The following POLR3D variants were observed in gnomAD, a reference collection of about 807,000 sequenced individuals.
POLR3D encodes DNA-directed RNA polymerase III subunit RPC4.
Under a neutral mutation model 44.5 loss-of-function variants are expected in POLR3D, and 42 were observed. The ratio of observed to expected loss-of-function variants is 0.94; its 90% CI spans 0.74 to 1.22. The LOEUF (loss-of-function observed/expected upper bound fraction) is 1.22, where lower values mean the gene tolerates loss of function less well. POLR3D is among the 50% of genes most tolerant of loss of function. POLR3D has a pLI of 0.00. For synonymous variants in POLR3D, 217 were observed against 198.1 expected, an observed-to-expected ratio of 1.10 and a Z score of -0.80; for missense variants, 507 against 505.2, an observed-to-expected ratio of 1.00 and a Z score of -0.03.
Position 22,252,482 on chromosome 8 carries a change from A to T in POLR3D, c.*1964A>T, listed in dbSNP as rs995665287. The T allele has an allele frequency of 6.6e-6, 1 of 152,222 alleles. No homozygotes were observed. Among genetic ancestry groups the T allele is most frequent in the Non-Finnish European group, 1.5e-5 (1 of 68,046 alleles). 9.4% of individuals were successfully genotyped at this position (152,222 alleles called of 1,614,324 possible). ...CAAGAAAGTTTGAGGAAGAACATGT[A>T]CTGCTTTCACGTTCATTTCGCCCAT... is the stretch of plus-strand genomic sequence containing the variant. On this transcript the variant is annotated 3_prime_UTR_variant, in exon 9 of 9. Coordinates refer to ENST00000306433, the MANE Select transcript of POLR3D (RefSeq NM_001722.3).
Position 22,250,458 on chromosome 8 carries a change from G to A in POLR3D, c.1137G>A (p.Val379=), listed in dbSNP as rs144849715. 2.6e-5 allele frequency: 42 copies of A among 1,614,184 alleles called. No individual in the cohort carries two copies. In the African/African-American group the frequency reaches 4.8e-4, roughly 18 times the overall value. The part of the protein sequence containing the change: ...RTGEMTVLGH[V]KHKLVCSPDF... ...GGGAGATGACAGTCCTGGGACACGT[G>A]AAGCACAAACTTGTATGTTCCCCTG... Residue 379 remains valine (V), a synonymous_variant, in exon 9 of 9, where the codon GTG becomes GTA. Coordinates refer to ENST00000306433, the MANE Select transcript of POLR3D (RefSeq NM_001722.3).
At chr8:22,245,730 G>A (rs994158015) in intron 2 of POLR3D, 116 bp downstream of exon 2, 1 of 634,892 alleles carries the variant, frequency 1.6e-6, no homozygotes, top group African/African-American at 1.9e-5. Flanking sequence ...GGCCTCTCAA[G>A]CCTACCCCTC....
intron 3 of POLR3D, 50 bp downstream of exon 3, chr8:22,247,314 AT>A (rs777779865): frequency 6.9e-7 from 1 of 1,453,280 alleles, no homozygotes; most frequent in Admixed American, 1.8e-5. Flanking sequence ...CTTGCTCTGA[AT>A]TTGGGGCTTT....
Position 22,249,061 on chromosome 8 carries a change from G to GA in POLR3D, c.674dup (p.Asp225GlufsTer2). On this transcript the variant is annotated frameshift_variant, in exon 7 of 9. Transcript: ENST00000306433. LOFTEE classifies it high-confidence loss of function. The stretch of plus-strand genomic sequence containing the variant: ...CCGGGCAGTGAAAGAGGAGCCACGA[G>GA]ATGAGGAGGAAGAGGCCAAGATGAA... The GA allele has an allele frequency of 6.2e-7, 1 of 1,613,926 alleles. No individual in the cohort carries two copies. Among genetic ancestry groups the GA allele is most frequent in the Non-Finnish European group, 8.5e-7 (1 of 1,179,970 alleles).
At position 22,252,396 on chromosome 8, in the gene POLR3D, G is replaced by C. The variant is rs963534273; in HGVS notation, c.*1878G>C. The C allele has an allele frequency of 6.6e-6, 1 of 152,626 alleles. No homozygotes were observed. Among genetic ancestry groups the C allele is most frequent in the Non-Finnish European group, 1.5e-5 (1 of 68,018 alleles). The allele number at this position is 152,626 out of a possible 1,614,324, so 9.5% of individuals were successfully genotyped here. On this transcript the variant is annotated 3_prime_UTR_variant, in exon 9 of 9. Transcript: ENST00000306433. ...AAATACTCTTCTGCTTTTTTTGGAC[G>C]AACTCAATGGCCCGATGTTAGATAT... is the stretch of plus-strand genomic sequence containing the variant.
chr8:22,247,535 G>A (rs932310271), intron 3 of POLR3D, among the ~76,000 whole-genome samples: 1 of 152,166 alleles, frequency 6.6e-6, no homozygotes, highest in East Asian at 1.9e-4. Flanking sequence ...TTTGTTGCCC[G>A]AGTTGAGAGC....
At position 22,248,624 on chromosome 8, in the gene POLR3D, G is replaced by A. The variant is rs1830067740; in HGVS notation, c.630G>A (p.Met210Ile). ...TGGCTGGCCCCAAGGAAGAGGACAT[G>A]GAGGTGGACATACCTGCTGTGAAAG... ...PWLAGPKEED[M>I]EVDIPAVKVK... Residue 210 changes from methionine (M) to isoleucine (I), a missense_variant, in exon 6 of 9, where the codon ATG becomes ATA. Coordinates refer to ENST00000306433, the MANE Select transcript of POLR3D (RefSeq NM_001722.3). 1 of 1,613,898 alleles carries A rather than the reference G, an allele frequency of 6.2e-7. No homozygotes were observed.
intron 3 of POLR3D, among the ~76,000 whole-genome samples, chr8:22,247,651 G>A (rs1830056486): frequency 6.6e-6 from 1 of 152,160 alleles, no homozygotes; most frequent in Non-Finnish European, 1.5e-5. Context: ...TTTTGGACAA[G>A]AAGGTAAAGT....
intron 2 of POLR3D, among the ~76,000 whole-genome samples, chr8:22,246,088 T>C (rs1382000539): frequency 1.3e-5 from 2 of 151,920 alleles, no homozygotes; most frequent in African/African-American, 4.8e-5. Flanking sequence ...CAGAAAGGGG[T>C]GGGGTCAGGA....
chr8:22,249,297 G>A lies in POLR3D; in HGVS notation c.909G>A (p.Gln303=). The A allele has an allele frequency of 6.2e-7, 1 of 1,613,910 alleles. No individual in the cohort carries two copies. Among genetic ancestry groups the A allele is most frequent in the Non-Finnish European group, 8.5e-7 (1 of 1,179,906 alleles). The stretch of plus-strand genomic sequence containing the variant: ...ACGGACAGGTGGTGCTCATCAAGCA[G>A]GAGAAAGACCGAGTACGCTCAGACA... The part of the protein sequence containing the change: ...GEDGQVVLIK[Q]EKDREAKLAE... Residue 303 remains glutamine, a synonymous_variant, in exon 7 of 9, where the codon CAG becomes CAA. Transcript: ENST00000306433.
At position 22,249,134 on chromosome 8, in the gene POLR3D, T is replaced by C. The variant is rs200720486; in HGVS notation, c.746T>C (p.Val249Ala). 91 of 1,613,986 alleles carry C rather than the reference T, an allele frequency of 5.6e-5. No homozygotes were observed. The African/African-American group carries it at 1.1e-3, about 19-fold the overall frequency. ...ARKTPGLPKD[V>A]SVAELLRELS... Reference sequence around the variant, plus strand: ...AAGACTCCAGGCCTCCCGAAGGATGTATCTGTGGCAGAGCTGCTGAGGGAG... The same window carrying C: ...AAGACTCCAGGCCTCCCGAAGGATGCATCTGTGGCAGAGCTGCTGAGGGAG... Residue 249 changes from valine (V) to alanine (A), a missense_variant, in exon 7 of 9, where the codon GTA (valine) becomes GCA (alanine). Coordinates refer to ENST00000306433, the MANE Select transcript of POLR3D (RefSeq NM_001722.3).
chr8:22,248,041 G>T, intron 4 of POLR3D, 33 bp downstream of exon 4: 1 of 1,609,594 alleles, frequency 6.2e-7, no homozygotes, highest in Non-Finnish European at 8.5e-7. Flanking sequence ...TTTCAGTTCA[G>T]ACTGCCCCAG....
At position 22,252,726 on chromosome 8, in the gene POLR3D, G is replaced by T. The variant is rs1264335478; in HGVS notation, c.*2208G>T. The T allele has an allele frequency of 6.6e-6, 1 of 152,176 alleles. No individual in the cohort carries two copies. The highest frequency in any genetic ancestry group is 1.9e-4 in the East Asian group (1 of 5,196). The allele number at this position is 152,176 out of a possible 1,614,324, so 9.4% of individuals were successfully genotyped here. On this transcript the variant is annotated 3_prime_UTR_variant, in exon 9 of 9. Coordinates refer to ENST00000306433, the MANE Select transcript of POLR3D (RefSeq NM_001722.3). The stretch of plus-strand genomic sequence containing the variant: ...CCAAATTTATACATGAGTGCAAGTG[G>T]ATGCAAATTTGTTGCTCCCTGCATC...
intron 2 of POLR3D, among the ~76,000 whole-genome samples, chr8:22,246,278 C>T (rs1473171752): frequency 6.6e-6 from 1 of 151,836 alleles, no homozygotes; most frequent in Non-Finnish European, 1.5e-5. Flanking sequence ...CAGGCGCCCG[C>T]CACCATGCCC....
At chr8:22,248,795 G>T in intron 6 of POLR3D, 146 bp downstream of exon 6, 2 of 894,988 alleles carry the variant, frequency 2.2e-6, no homozygotes, top group Non-Finnish European at 3.5e-6. Flanking sequence ...GCTGAACAAA[G>T]ATGCTCCATT....
In POLR3D at chr8:22,250,901, TC is replaced by T. The variant is rs376586846; in HGVS notation, c.*389del. ...TGTGGACTGCAGCTTCTGCTGGTGCTCCCCCCGTCCTCCTGGAGGCAGTATA... is the reference window on the plus strand; with the variant it reads ...TGTGGACTGCAGCTTCTGCTGGTGCTCCCCCGTCCTCCTGGAGGCAGTATA... On this transcript the variant is annotated 3_prime_UTR_variant, in exon 9 of 9. Transcript: ENST00000306433. 5 of 259,248 alleles carry T rather than the reference TC, an allele frequency of 1.9e-5. No homozygotes were observed. The highest frequency in any genetic ancestry group is 8.7e-5 in the East Asian group (1 of 11,532). The allele number at this position is 259,248 out of a possible 1,614,324, so 16.1% of individuals were successfully genotyped here. A position where few individuals can be genotyped will look rare whatever the true frequency, so the allele number is the denominator to read the frequency against.
At position 22,253,166 on chromosome 8, in the gene POLR3D, G is replaced by A. The variant is rs1297538880; in HGVS notation, c.*2648G>A. The A allele has an allele frequency of 1.3e-5, 2 of 152,210 alleles. No individual in the cohort carries two copies. The highest frequency in any genetic ancestry group is 2.9e-5 in the Non-Finnish European group (2 of 68,044). 9.4% of individuals were successfully genotyped at this position (152,210 alleles called of 1,614,324 possible). A position where few individuals can be genotyped will look rare whatever the true frequency, so the allele number is the denominator to read the frequency against. On this transcript the variant is annotated 3_prime_UTR_variant, in exon 9 of 9. Transcript: ENST00000306433. ...TTGGGTGGAAGCCAAAATGTCATCA[G>A]GATTTCCTTGGAACCGTCTGCTTTG...
chr8:22,249,314 G>T lies in POLR3D; in HGVS notation c.921+5G>T, dbSNP rs544016665. 2 of 1,612,332 alleles carry T rather than the reference G, an allele frequency of 1.2e-6. No homozygotes were observed. Among genetic ancestry groups the T allele is most frequent in the South Asian group, 1.1e-5 (1 of 91,046 alleles). ...ATCAAGCAGGAGAAAGACCGAGTAC[G>T]CTCAGACAGAGGCCTGCGGGAATCA... is the stretch of plus-strand genomic sequence containing the variant. On this transcript the variant is annotated splice_donor_5th_base_variant and intron_variant, in intron 7 of 8. Transcript: ENST00000306433.
In POLR3D at chr8:22,252,538, C is replaced by T. The variant is rs1020297213; in HGVS notation, c.*2020C>T. The T allele has an allele frequency of 2.6e-5, 4 of 152,192 alleles. No individual in the cohort carries two copies. The highest frequency in any genetic ancestry group is 1.9e-4 in the East Asian group (1 of 5,200). 9.4% of individuals were successfully genotyped at this position (152,192 alleles called of 1,614,324 possible). On this transcript the variant is annotated 3_prime_UTR_variant, in exon 9 of 9. Transcript: ENST00000306433. Reference sequence around the variant, plus strand: ...TGTCTTGGCTTGAACCTTATGACTCCGTATCAAAGTCCTCACAACCTGTCT... The same window carrying T: ...TGTCTTGGCTTGAACCTTATGACTCTGTATCAAAGTCCTCACAACCTGTCT...
Sources: allele counts gnomAD v4.1 joint callset (sites outside exome capture counted in the v4.1 genomes callset), GRCh38; gene constraint gnomAD v4.1.1; transcripts MANE v1.5; gene names NCBI Gene and HGNC (gene_info 2026-07-23, HGNC 2026-07-21).